The following AKAIN1 variants were observed in gnomAD, a reference collection of about 807,000 sequenced individuals.
AKAIN1 encodes the protein A-kinase anchor inhibitor 1.
In AKAIN1, 3 loss-of-function variants were observed where a neutral mutation model predicts 3.7. The observed-to-expected ratio is 0.82, with a 90% CI of 0.37 to 2.12. AKAIN1 has a LOEUF of 2.12. AKAIN1 is among the 30% of genes most tolerant of loss of function. The pLI is 0.06. For missense variants in AKAIN1, 82 were observed against 82.7 expected, an observed-to-expected ratio of 0.99 and a Z score of 0.03; for synonymous variants, 31 against 30.8, an observed-to-expected ratio of 1.01 and a Z score of -0.02.
chr18:5,146,928 C>G, intron 1 of AKAIN1, among the ~76,000 whole-genome samples: 1 of 152,200 alleles, frequency 6.6e-6, no homozygotes, highest in Admixed American at 6.5e-5. Flanking sequence ...GAAGGCAAGG[C>G]AGTCTACCCA....
At position 5,197,140 on chromosome 18, in the gene AKAIN1, G is replaced by A. The variant is rs768601513; in HGVS notation, c.-87C>T. ...AAGAAGGCCGGACTTGGCGGGGTCC[G>A]GTGCAGGAGGGCGCGCTGGGCGGGC... On this transcript the variant is annotated 5_prime_UTR_variant, in exon 1 of 2. Coordinates refer to ENST00000434239, the MANE Select transcript of AKAIN1 (RefSeq NM_001145194.2). This position sits in a 1 kb window ranked among gnomAD's most constrained non-coding sequence, Gnocchi z 6.9. 2.0e-5 allele frequency: 31 copies of A among 1,534,678 alleles called. No individual in the cohort carries two copies. The highest frequency in any genetic ancestry group is 2.6e-5 in the Non-Finnish European group (30 of 1,142,438).
intron 1 of AKAIN1, among the ~76,000 whole-genome samples, chr18:5,158,326 C>G (rs2071119999): frequency 6.6e-6 from 1 of 152,202 alleles, no homozygotes; most frequent in African/African-American, 2.4e-5. Context: ...CAAGAGGAAG[C>G]AGCTGAGGAG....
upstream of AKAIN1, chr18:5,197,390 G>A: frequency 7.9e-7 from 1 of 1,266,758 alleles, no homozygotes. This position sits in a 1 kb window ranked among gnomAD's most constrained non-coding sequence, Gnocchi z 6.9. Flanking sequence ...GACGAAGGTC[G>A]GAAGAGCAAG....
intron 1 of AKAIN1, among the ~76,000 whole-genome samples, chr18:5,159,066 G>A (rs1354495135): frequency 1.3e-5 from 2 of 150,140 alleles, no homozygotes; most frequent in African/African-American, 2.5e-5. Flanking sequence ...TTATAACCAT[G>A]AGAATGAGAA....
chr18:5,153,437 T>C (rs539111649), intron 1 of AKAIN1, among the ~76,000 whole-genome samples: 3 of 150,110 alleles, frequency 2.0e-5, no homozygotes, highest in East Asian at 1.9e-4. Context: ...AATACAGGGA[T>C]ACAAAAATTG....
intron 1 of AKAIN1, among the ~76,000 whole-genome samples, chr18:5,189,111 AT>A (rs1474225561): frequency 6.6e-6 from 1 of 152,166 alleles, no homozygotes; most frequent in East Asian, 1.9e-4. Flanking sequence ...AAGGAGAGTT[AT>A]GCTGAAATGT....
chr18:5,145,822 G>T, intron 1 of AKAIN1, 67 bp from the exon 2 acceptor site: 1 of 1,371,174 alleles, frequency 7.3e-7, no homozygotes, highest in Non-Finnish European at 1.0e-6. Context: ...AGAGGGAAAG[G>T]TAGAGGAGAA....
chr18:5,172,132 T>C (rs113965587), intron 1 of AKAIN1, among the ~76,000 whole-genome samples: 4,240 of 152,182 alleles, frequency 0.028, 107 homozygotes, highest in East Asian at 0.11. Flanking sequence ...TTGGGGGAGC[T>C]AAAAGTTAAA....
chr18:5,144,870 G>T lies in AKAIN1; in HGVS notation c.*692C>A, dbSNP rs2071039663. ...CTTATTTTATTTAATCTTGAGAAAAGAAATCCATAATATTCCCAAAAGATT... is the reference window on the plus strand; with the variant it reads ...CTTATTTTATTTAATCTTGAGAAAATAAATCCATAATATTCCCAAAAGATT... On this transcript the variant is annotated 3_prime_UTR_variant, in exon 2 of 2. Coordinates refer to ENST00000434239, the MANE Select transcript of AKAIN1 (RefSeq NM_001145194.2). Among the ~76,000 whole-genome samples, 1 of 152,116 alleles carries T rather than the reference G, an allele frequency of 6.6e-6. No homozygotes were observed. The highest frequency in any genetic ancestry group is 6.5e-5 in the Admixed American group (1 of 15,276).
chr18:5,197,208 G>A lies in AKAIN1; in HGVS notation c.-155C>T, dbSNP rs1477686662. ...GCACCCCGGACAGCTCCCGCCGCTA[G>A]ATCCTGGGGCCGCAGCTCCAGCCGC... is the stretch of plus-strand genomic sequence containing the variant. On this transcript the variant is annotated 5_prime_UTR_variant, in exon 1 of 2. Coordinates refer to ENST00000434239, the MANE Select transcript of AKAIN1 (RefSeq NM_001145194.2). The surrounding 1 kb of genome is among the most constrained non-coding windows in gnomAD (Gnocchi z 6.9). 2.8e-6 allele frequency: 4 copies of A among 1,413,726 alleles called. No individual in the cohort carries two copies. Among genetic ancestry groups the A allele is most frequent in the South Asian group, 1.5e-5 (1 of 64,756 alleles). 87.6% of individuals were successfully genotyped at this position (1,413,726 alleles called of 1,614,324 possible). A position where few individuals can be genotyped will look rare whatever the true frequency, so the allele number is the denominator to read the frequency against.
chr18:5,152,902 A>G (rs2071087450), intron 1 of AKAIN1, among the ~76,000 whole-genome samples: 1 of 152,210 alleles, frequency 6.6e-6, no homozygotes, highest in Non-Finnish European at 1.5e-5. Flanking sequence ...CTGGGGAGGT[A>G]TCAGAGCCTT....
At chr18:5,148,682 C>A (rs2071062960) in intron 1 of AKAIN1, among the ~76,000 whole-genome samples, 1 of 151,980 alleles carries the variant, frequency 6.6e-6, no homozygotes, top group South Asian at 2.1e-4. Context: ...ATGGCGAAAC[C>A]CCATCTCTAC....
rs1238934518 is a variant in AKAIN1 at position 5,142,926 on chromosome 18, T to C, written c.*2636A>G. ...GTCATTTTGCATCAATTTACAATAC[T>C]GTTTGCACTGAACAGATGATTACAG... On this transcript the variant is annotated 3_prime_UTR_variant, in exon 2 of 2. Coordinates refer to ENST00000434239, the MANE Select transcript of AKAIN1 (RefSeq NM_001145194.2). Among the ~76,000 whole-genome samples the C allele has an allele frequency of 6.6e-6, 1 of 152,220 alleles. No individual in the cohort carries two copies. Among genetic ancestry groups the C allele is most frequent in the Non-Finnish European group, 1.5e-5 (1 of 68,036 alleles).
At chr18:5,167,994 G>A (rs978893478) in intron 1 of AKAIN1, among the ~76,000 whole-genome samples, 2 of 152,086 alleles carry the variant, frequency 1.3e-5, no homozygotes, top group Non-Finnish European at 2.9e-5. Context: ...GTGGTAGAAT[G>A]AGACACGTGC....
rs767305983 is a variant in AKAIN1 at position 5,143,844 on chromosome 18, T to C, written c.*1718A>G. On this transcript the variant is annotated 3_prime_UTR_variant, in exon 2 of 2. Transcript: ENST00000434239. ...ACAGCAAAAACAAAGGCTGGTCATA[T>C]CCAGATATCTGAGTAGACATAGTAC... Among the ~76,000 whole-genome samples the C allele has an allele frequency of 2.3e-4, 35 of 152,312 alleles. No individual in the cohort carries two copies. The highest frequency in any genetic ancestry group is 8.3e-4 in the South Asian group (4 of 4,824).
chr18:5,147,414 A>G (rs531328213), intron 1 of AKAIN1, among the ~76,000 whole-genome samples: 2 of 152,336 alleles, frequency 1.3e-5, no homozygotes, highest in East Asian at 1.9e-4. Flanking sequence ...TTGAAGGGCA[A>G]TCTGGAAAAC....
intron 1 of AKAIN1, among the ~76,000 whole-genome samples, chr18:5,177,409 T>G (rs1401095841): frequency 1.3e-5 from 2 of 152,218 alleles, no homozygotes. Context: ...AGCCAAGCAA[T>G]GTTTTCCTAT....
In AKAIN1 at chr18:5,145,743, C is replaced by T. The variant is rs1477329124; in HGVS notation, c.29G>A (p.Gly10Glu). The T allele has an allele frequency of 2.0e-5, 31 of 1,550,228 alleles. No homozygotes were observed. In the East Asian group the frequency reaches 7.3e-4, roughly 37 times the overall value. ...CAGCTTCACCTCTTCAGGCTCATTT[C>T]CAGGTTTCTCACCTAGCCAAAAACA... MVFAPGEKP[G>E]NEPEEVKLQN... Residue 10 changes from glycine to glutamate, a missense_variant, in exon 2 of 2, where the codon GGA (glycine) becomes GAA (glutamate). By Grantham distance (98) the Gly-to-Glu change is moderately conservative. Coordinates refer to ENST00000434239, the MANE Select transcript of AKAIN1 (RefSeq NM_001145194.2).
At chr18:5,152,288 G>T (rs909448948) in intron 1 of AKAIN1, among the ~76,000 whole-genome samples, 3 of 152,170 alleles carry the variant, frequency 2.0e-5, no homozygotes, top group Non-Finnish European at 4.4e-5. Flanking sequence ...TCACTTAACA[G>T]GTTTTTCAGA....
Sources: allele counts gnomAD v4.1 joint callset (sites outside exome capture counted in the v4.1 genomes callset), GRCh38; gene constraint gnomAD v4.1.1; non-coding constraint Gnocchi (gnomAD v3.1); transcripts MANE v1.5; gene names NCBI Gene and HGNC (gene_info 2026-07-23, HGNC 2026-07-21).